MYO1H: variants seen among roughly 807,000 people sequenced by gnomAD.
The protein encoded by MYO1H is myosin IH.
A neutral mutation model predicts 149.3 loss-of-function variants in MYO1H; 118 were observed. The observed-to-expected ratio is 0.79, with a 90% CI of 0.68 to 0.92. The LOEUF (loss-of-function observed/expected upper bound fraction) is 0.92, where lower values mean the gene tolerates loss of function less well. Among genes scored for constraint, MYO1H ranks in the 40% least tolerant of loss-of-function variants. The pLI is 0.00. For missense variants in MYO1H, 1,212 were observed against 1,280.7 expected (o/e 0.95, Z 0.82); for synonymous variants, 447 against 465.2 (o/e 0.96, Z 0.50).
chr12:109,401,074 T>C lies in MYO1H; in HGVS notation c.571-19T>C. 6.2e-7 allele frequency: 1 copy of C among 1,608,436 alleles called. No individual in the cohort carries two copies. Among genetic ancestry groups the C allele is most frequent in the Non-Finnish European group, 8.5e-7 (1 of 1,175,564 alleles). Reference sequence around the variant, plus strand: ...GGTTTGATTGTTGTCACTGCTGCAATTTTTGTTCTGTTTTGAAGGGCATTC... The same window carrying C: ...GGTTTGATTGTTGTCACTGCTGCAACTTTTGTTCTGTTTTGAAGGGCATTC... On this transcript the variant is annotated intron_variant, in intron 5 of 31. Coordinates refer to ENST00000310903, the Ensembl canonical transcript of MYO1H.
chr12:109,378,373 T>G (rs1566021260), intron 1 of MYO1H, among the ~76,000 whole-genome samples: 1 of 151,920 alleles, frequency 6.6e-6, no homozygotes, highest in African/African-American at 2.4e-5. Context: ...CAGGCTGGAG[T>G]CCAGTGGTGT....
At chr12:109,436,364 A>G in intron 21 of MYO1H, 124 bp from the exon 22 acceptor site, 1 of 660,852 alleles carries the variant, frequency 1.5e-6, no homozygotes, top group Non-Finnish European at 2.7e-6. Flanking sequence ...AGCTTCCTGA[A>G]ACATCACTAC....
At chr12:109,338,824 T>G in the MYO1H span, among the ~76,000 whole-genome samples, 29 of 151,732 alleles carry the variant, frequency 1.9e-4, no homozygotes, top group African/African-American at 6.8e-4. Context: ...ATTTTCTGCT[T>G]CACACCCATC....
In MYO1H at chr12:109,357,367, T is replaced by TC. The variant is rs538185964; in HGVS notation, c.12+9397dup. 10 of 152,366 alleles carry TC rather than the reference T, an allele frequency of 6.6e-5. No homozygotes were observed. In the South Asian group the frequency reaches 2.1e-3, roughly 32 times the overall value. The allele number at this position is 152,366 out of a possible 1,614,324, so 9.4% of individuals were successfully genotyped here. ...ATTGGAAAAGGGTTATATTTGAAAT[T>TC]CCACTTTGCTTCTCTTGGTGTGTGC... On this transcript the variant is annotated intron_variant, in intron 1 of 31. Coordinates refer to ENST00000310903, the Ensembl canonical transcript of MYO1H.
intron 14 of MYO1H, 109 bp downstream of exon 14, chr12:109,412,094 A>G: frequency 1.4e-5 from 10 of 696,110 alleles, no homozygotes; most frequent in South Asian, 2.0e-5. Context: ...CATACATAAA[A>G]ATATCTTTAT....
the MYO1H span, among the ~76,000 whole-genome samples, chr12:109,327,739 C>CAAAAAAAAAAA: frequency 7.0e-5 from 6 of 85,644 alleles, no homozygotes; most frequent in African/African-American, 9.0e-5. Context: ...AAAACTGTCT[C>CAAAAAAAAAAA]AAAAAAAAAA....
chr12:109,401,257 T>C, exon 6 of MYO1H: 1 of 1,611,802 alleles, frequency 6.2e-7, no homozygotes. Context: ...CCCAGCTGTA[T>C]AAATACCTCT....
intron 18 of MYO1H, among the ~76,000 whole-genome samples, chr12:109,427,136 T>C (rs1871381111): frequency 6.6e-6 from 1 of 151,708 alleles, no homozygotes; most frequent in Non-Finnish European, 1.5e-5. Context: ...GCCAACACGG[T>C]GAAACCACGT....
At chr12:109,384,370 T>C (rs1238859835) in intron 1 of MYO1H, among the ~76,000 whole-genome samples, 2 of 152,250 alleles carry the variant, frequency 1.3e-5, no homozygotes, top group African/African-American at 4.8e-5. Flanking sequence ...TTAATTTTCT[T>C]AGGTGTAATT....
In MYO1H at chr12:109,399,695, T is replaced by C. The variant is rs1266912928; in HGVS notation, c.571-1398T>C. Among the ~76,000 whole-genome samples the C allele has an allele frequency of 2.6e-5, 4 of 151,530 alleles. No homozygotes were observed. The East Asian group carries it at 7.7e-4, about 29-fold the overall frequency. ...GGGAGGTCGAGGTGAGAGGATTGCT[T>C]GAGTCTAGGAGTTCAAGACCAGCCT... On this transcript the variant is annotated intron_variant, in intron 5 of 31. Coordinates refer to ENST00000310903, the Ensembl canonical transcript of MYO1H.
At chr12:109,419,971 G>A (rs1202698283) in intron 15 of MYO1H, among the ~76,000 whole-genome samples, 1 of 152,090 alleles carries the variant, frequency 6.6e-6, no homozygotes, top group African/African-American at 2.4e-5. Context: ...GATAAGCCAA[G>A]TTTTAAACCT....
At chr12:109,439,449 A>G in intron 23 of MYO1H, 182 bp from the exon 24 acceptor site, 1 of 511,322 alleles carries the variant, frequency 2.0e-6, no homozygotes, top group East Asian at 3.1e-5. Flanking sequence ...TCCTCAAAAC[A>G]AAACAAAAGG....
rs1192537461 is a variant in MYO1H, at chr12:109,443,391, CACAT to C, written c.2689-119_2689-116del. Reference sequence around the variant, plus strand: ...ACACACACACACACACACACACACACACATACACGCAAAATCTGTTTGAGCTTTT... The same window carrying C: ...ACACACACACACACACACACACACACACACGCAAAATCTGTTTGAGCTTTT... On this transcript the variant is annotated intron_variant, in intron 27 of 31. Coordinates refer to ENST00000310903, the Ensembl canonical transcript of MYO1H. 348 of 941,816 alleles carry C rather than the reference CACAT, an allele frequency of 3.7e-4. 4 individuals are homozygous for C. The highest frequency in any genetic ancestry group is 3.2e-3 in the South Asian group (191 of 60,506). The allele number at this position is 941,816 out of a possible 1,614,324, so 58.3% of individuals were successfully genotyped here. A position where few individuals can be genotyped will look rare whatever the true frequency, so the allele number is the denominator to read the frequency against.
the MYO1H span, among the ~76,000 whole-genome samples, chr12:109,327,739 C>CAAAAAAAAAAAA: frequency 7.0e-5 from 6 of 85,650 alleles, no homozygotes; most frequent in African/African-American, 1.4e-4. Context: ...AAAACTGTCT[C>CAAAAAAAAAAAA]AAAAAAAAAA....
At chr12:109,345,012 G>T (rs1221240964), upstream of MYO1H, among the ~76,000 whole-genome samples, 1 of 152,106 alleles carries the variant, frequency 6.6e-6, no homozygotes, top group Non-Finnish European at 1.5e-5. Context: ...AGAAAACACA[G>T]GTGTACATCT....
At chr12:109,447,584 G>A (rs1299447507) in exon 32 of MYO1H, 1 of 222,174 alleles carries the variant, frequency 4.5e-6, no homozygotes, top group East Asian at 9.3e-5. Flanking sequence ...ATGTTGATAA[G>A]ACATCTGATT....
chr12:109,414,117 G>A (rs941004184), intron 14 of MYO1H, among the ~76,000 whole-genome samples: 10 of 152,170 alleles, frequency 6.6e-5, no homozygotes, highest in East Asian at 5.8e-4. Context: ...TCATTGAGCC[G>A]TACGCTTAGA....
At chr12:109,369,769 G>T (rs1052962383) in intron 1 of MYO1H, among the ~76,000 whole-genome samples, 1 of 152,182 alleles carries the variant, frequency 6.6e-6, no homozygotes, top group Non-Finnish European at 1.5e-5. Context: ...ACTTCTCCAT[G>T]ACAAAATGAG....
the MYO1H span, among the ~76,000 whole-genome samples, chr12:109,326,513 ATTTTATTTTAT>A: frequency 9.2e-6 from 1 of 108,150 alleles, no homozygotes; most frequent in African/African-American, 3.7e-5. Flanking sequence ...ATTTTATTTT[ATTTTATTTTAT>A]TTTATTTTAT....
Sources: allele counts gnomAD v4.1 joint callset (sites outside exome capture counted in the v4.1 genomes callset), GRCh38; gene constraint gnomAD v4.1.1; transcripts MANE v1.5; gene names NCBI Gene and HGNC (gene_info 2026-07-23, HGNC 2026-07-21).